The following TRPC7 variants were observed in gnomAD, a reference collection of about 807,000 sequenced individuals.
TRPC7 encodes the protein transient receptor potential cation channel subfamily C member 7, also known as short transient receptor potential channel 7.
A neutral mutation model predicts 90.1 loss-of-function variants in TRPC7; 42 were observed. The ratio of observed to expected loss-of-function variants is 0.47; its 90% CI spans 0.36 to 0.60. TRPC7 has a LOEUF of 0.60. TRPC7 is among the 20% of genes least tolerant of loss of function. The probability of loss-of-function intolerance (pLI) is 0.00; values close to 1 mark genes in which losing one functional copy is unlikely to be tolerated. For synonymous variants in TRPC7, 451 were observed against 436.3 expected (o/e 1.03, Z -0.42); for missense variants, 955 against 1,112.3 (o/e 0.86, Z 2.01).
At chr5:136,244,019 C>T (rs1756252636) in intron 7 of TRPC7, among the ~76,000 whole-genome samples, 1 of 152,006 alleles carries the variant, frequency 6.6e-6, no homozygotes, top group African/African-American at 2.4e-5. Context: ...TCCCAAAGAC[C>T]CCAACCCAGG....
chr5:136,308,661 C>T (rs1758727715), intron 3 of TRPC7, among the ~76,000 whole-genome samples: 2 of 152,188 alleles, frequency 1.3e-5, no homozygotes, highest in Admixed American at 6.5e-5. Flanking sequence ...AGTGTTCCTA[C>T]CCATGGTCAC....
intron 10 of TRPC7, chr5:136,221,960 C>T (rs754840469): frequency 3.9e-5 from 6 of 152,154 alleles, no homozygotes; most frequent in Non-Finnish European, 8.8e-5. Context: ...CTGTATACTT[C>T]CTGCCCCAAC....
At chr5:136,358,539 G>C (rs1169751912) in intron 1 of TRPC7, among the ~76,000 whole-genome samples, 1 of 152,136 alleles carries the variant, frequency 6.6e-6, no homozygotes, top group African/African-American at 2.4e-5. Context: ...AGGAATCCGG[G>C]CTCCATCATT....
At chr5:136,301,683 G>T (rs542642088) in intron 3 of TRPC7, among the ~76,000 whole-genome samples, 1 of 152,010 alleles carries the variant, frequency 6.6e-6, no homozygotes, top group African/African-American at 2.4e-5. Context: ...TAACTTCACC[G>T]CCTATCCCAA....
Position 136,339,102 on chromosome 5 carries a change from T to C in TRPC7, c.780+17506A>G, listed in dbSNP as rs1039201890. Among the ~76,000 whole-genome samples the C allele has an allele frequency of 3.3e-5, 5 of 152,296 alleles. No individual in the cohort carries two copies. In the East Asian group the frequency reaches 7.7e-4, roughly 23 times the overall value. ...AAATGGGAGTCTTAGACTATGCAAA[T>C]GGAATCAAATCTTGATAACTACCTG... On this transcript the variant is annotated intron_variant, in intron 2 of 11. Transcript: ENST00000513104.
chr5:136,338,349 T>A (rs1214220487), intron 2 of TRPC7, among the ~76,000 whole-genome samples: 4 of 152,228 alleles, frequency 2.6e-5, no homozygotes, highest in Non-Finnish European at 4.4e-5. Flanking sequence ...TATCTATTTT[T>A]TTCTTAGTTT....
In TRPC7 at chr5:136,322,149, G is replaced by A. The variant is rs187360234; in HGVS notation, c.781-6370C>T. ...CCTGCCTCAGTCTCCCAAGAAGCTG[G>A]AATTACAGGCACCTGCCACCAAGCC... On this transcript the variant is annotated intron_variant, in intron 2 of 11. Transcript: ENST00000513104. 4.1e-3 allele frequency among the ~76,000 whole-genome samples: 631 copies of A among 152,124 alleles called. 5 individuals are homozygous for A. Among genetic ancestry groups the A allele is most frequent in the African/African-American group, 0.015 (605 of 41,500 alleles).
chr5:136,271,137 A>G (rs1175518230), intron 4 of TRPC7, among the ~76,000 whole-genome samples: 2 of 152,070 alleles, frequency 1.3e-5, no homozygotes, highest in East Asian at 3.9e-4. Context: ...CATGTTTGGG[A>G]TGGTGAAGAG....
intron 5 of TRPC7, among the ~76,000 whole-genome samples, chr5:136,260,124 AGTT>A (rs1756809115): frequency 1.3e-5 from 2 of 152,196 alleles, no homozygotes; most frequent in African/African-American, 4.8e-5. Context: ...TTGGGAAGTA[AGTT>A]GTTGTCAACA....
intron 3 of TRPC7, among the ~76,000 whole-genome samples, chr5:136,278,466 G>A (rs1466463163): frequency 6.6e-6 from 1 of 152,226 alleles, no homozygotes; most frequent in African/African-American, 2.4e-5. Flanking sequence ...GGGTACCAAA[G>A]GCTGAAAGTG....
chr5:136,330,461 C>T (rs1759465557), intron 2 of TRPC7, among the ~76,000 whole-genome samples: 1 of 152,192 alleles, frequency 6.6e-6, no homozygotes, highest in African/African-American at 2.4e-5. Flanking sequence ...CTCCAGAGTC[C>T]ATGATCCATG....
At chr5:136,228,283 G>C (rs1755694326) in intron 8 of TRPC7, among the ~76,000 whole-genome samples, 1 of 151,844 alleles carries the variant, frequency 6.6e-6, no homozygotes, top group Non-Finnish European at 1.5e-5. Flanking sequence ...ACAAGGTCAA[G>C]AGTGGGTGGG....
intron 5 of TRPC7, among the ~76,000 whole-genome samples, chr5:136,265,270 A>G (rs1335519790): frequency 3.3e-5 from 5 of 152,344 alleles, no homozygotes; most frequent in Middle Eastern, 3.4e-3. Context: ...CATTAAGCCA[A>G]TTGAATTATT....
At chr5:136,335,783 A>C (rs866929414) in intron 2 of TRPC7, among the ~76,000 whole-genome samples, 2 of 151,706 alleles carry the variant, frequency 1.3e-5, no homozygotes, top group African/African-American at 4.8e-5. Context: ...GGGCGCCTGT[A>C]GTCCCAGCTA....
intron 2 of TRPC7, among the ~76,000 whole-genome samples, chr5:136,350,283 C>A (rs565431011): frequency 2.6e-5 from 4 of 152,286 alleles, no homozygotes; most frequent in Admixed American, 2.0e-4. Flanking sequence ...GGTTCCAGGG[C>A]CAACCTCCTC....
intron 5 of TRPC7, among the ~76,000 whole-genome samples, chr5:136,262,698 A>T (rs767375062): frequency 1.1e-4 from 17 of 152,232 alleles, no homozygotes; most frequent in Admixed American, 2.0e-4. Context: ...AGGTTAAAAA[A>T]CAACAAAACA....
At chr5:136,244,070 CT>C (rs1276835430) in intron 7 of TRPC7, among the ~76,000 whole-genome samples, 1 of 152,104 alleles carries the variant, frequency 6.6e-6, no homozygotes, top group Admixed American at 6.6e-5. Flanking sequence ...TGTGCTGCAT[CT>C]AGTTGAGAAT....
intron 2 of TRPC7, among the ~76,000 whole-genome samples, chr5:136,350,654 G>A (rs1442743909): frequency 1.3e-5 from 2 of 152,210 alleles, no homozygotes; most frequent in African/African-American, 2.4e-5. Flanking sequence ...CCCTTTTCTG[G>A]AGATAAGCCA....
chr5:136,357,297 A>G lies in TRPC7; in HGVS notation c.91T>C (p.Tyr31His). ...CTGGTGCCCTTCTCGTTGAACATGT[A>G]GGCGGGACCCCGGATGGCCTGGCGA... ...GRRQAIRGPA[Y>H]MFNEKGTSLT... Residue 31 changes from tyrosine to histidine, a missense_variant, in exon 2 of 12, where the codon TAC (tyrosine) becomes CAC (histidine). By Grantham distance (83) the Tyr-to-His change is moderately conservative (BLOSUM62 2). Around this residue, in one of 4 missense-constraint regions of TRPC7, gnomAD observed 161 missense variants for 145.7 expected, o/e 1.10. Coordinates refer to ENST00000513104, the MANE Select transcript of TRPC7 (RefSeq NM_020389.3). 1 of 1,611,724 alleles carries G rather than the reference A, an allele frequency of 6.2e-7. No individual in the cohort carries two copies. Among genetic ancestry groups the G allele is most frequent in the Non-Finnish European group, 8.5e-7 (1 of 1,179,846 alleles).
Sources: gnomAD v4.1 joint callset for allele counts (sites outside exome capture counted in the v4.1 genomes callset) on GRCh38, gnomAD v4.1.1 for gene constraint, gnomAD v4.1.1 regional missense constraint, MANE v1.5 for transcripts, NCBI Gene and HGNC (gene_info 2026-07-23, HGNC 2026-07-21) for gene names.